The following ERC2 variants were observed in gnomAD, a reference collection of about 807,000 sequenced individuals.
ERC2 encodes the protein ELKS/RAB6-interacting/CAST family member 2, also known as ERC protein 2.
ERC2 carries 42 observed loss-of-function variants against 114.8 expected under a neutral mutation model. That is an observed-to-expected ratio of 0.37 (90% CI 0.29 to 0.47). ERC2 has a LOEUF of 0.47. Among genes scored for constraint, ERC2 ranks in the 20% least tolerant of loss-of-function variants. The probability of loss-of-function intolerance (pLI) is 0.99; values close to 1 mark genes in which losing one functional copy is unlikely to be tolerated. For missense variants in ERC2, 939 were observed against 1,150.7 expected (o/e 0.82, Z 2.66); for synonymous variants, 454 against 425.5 (o/e 1.07, Z -0.82).
Position 55,801,992 on chromosome 3 carries a change from G to A in ERC2, c.2565-67074C>T, listed in dbSNP as rs552589696. Among the ~76,000 whole-genome samples the A allele has an allele frequency of 4.3e-4, 65 of 152,334 alleles. 2 individuals carry two copies. The South Asian group carries it at 0.013, about 31-fold the overall frequency. ...TTTCCTGGGTGCTACTGATGCTGCT[G>A]TTTCAGGGACCACACTCTGAGAACT... On this transcript the variant is annotated intron_variant, in intron 14 of 17. Coordinates refer to ENST00000288221, the MANE Select transcript of ERC2 (RefSeq NM_015576.3).
chr3:56,091,511 G>T (rs2077788598), intron 6 of ERC2, among the ~76,000 whole-genome samples: 1 of 152,172 alleles, frequency 6.6e-6, no homozygotes, highest in Non-Finnish European at 1.5e-5. Context: ...CAACACAACA[G>T]AAGCTGGACT....
intron 14 of ERC2, among the ~76,000 whole-genome samples, chr3:55,875,316 G>T (rs372659917): frequency 2.6e-5 from 4 of 152,300 alleles, no homozygotes; most frequent in East Asian, 3.9e-4. Context: ...CAATTGAACT[G>T]TTATCATAAC....
At chr3:55,618,044 G>A (rs2059190720) in intron 17 of ERC2, among the ~76,000 whole-genome samples, 1 of 151,626 alleles carries the variant, frequency 6.6e-6, no homozygotes. Flanking sequence ...CTCGGTGGTG[G>A]GAGAAATGGA....
At chr3:55,674,243 G>T (rs892231311) in intron 17 of ERC2, among the ~76,000 whole-genome samples, 1 of 152,208 alleles carries the variant, frequency 6.6e-6, no homozygotes, top group African/African-American at 2.4e-5. Flanking sequence ...TCAGGTGGGA[G>T]TGGTGGAACC....
At chr3:55,528,682 TA>T (rs1026432875) in intron 17 of ERC2, among the ~76,000 whole-genome samples, 4 of 152,212 alleles carry the variant, frequency 2.6e-5, no homozygotes, top group Non-Finnish European at 5.9e-5. Context: ...GACACAAGGA[TA>T]AACAAGGTCT....
At chr3:56,324,329 A>G (rs185231052) in intron 2 of ERC2, among the ~76,000 whole-genome samples, 15 of 152,312 alleles carry the variant, frequency 9.8e-5, no homozygotes, top group African/African-American at 3.6e-4. Context: ...TCAGGGCCCA[A>G]CAGGCCACAA....
rs13061756 is a variant in ERC2, at chr3:56,169,819, A to T, written c.1149+3627T>A. Reference sequence around the variant, plus strand: ...GTCATTCATTTTCTTAAAAAAAAAAAAAAACAAATGGCTTTATGAATGACC... The same window carrying T: ...GTCATTCATTTTCTTAAAAAAAAAATAAAACAAATGGCTTTATGAATGACC... On this transcript the variant is annotated intron_variant, in intron 4 of 17. Transcript: ENST00000288221. Among the ~76,000 whole-genome samples, 4 of 137,346 alleles carry T rather than the reference A, an allele frequency of 2.9e-5. No individual in the cohort carries two copies. The South Asian group carries it at 9.0e-4, about 31-fold the overall frequency. The allele number at this position is 137,346 out of a possible 152,430, so 90.1% of individuals were successfully genotyped here.
intron 13 of ERC2, among the ~76,000 whole-genome samples, chr3:55,943,305 A>G (rs2066920432): frequency 6.6e-6 from 1 of 152,164 alleles, no homozygotes; most frequent in Non-Finnish European, 1.5e-5. Flanking sequence ...TAATGCCTTC[A>G]CCGTATTTAC....
chr3:55,583,441 T>C lies in ERC2; in HGVS notation c.*40-72165A>G, dbSNP rs9809971. Among the ~76,000 whole-genome samples, 367 of 81,440 alleles carry C rather than the reference T, an allele frequency of 4.5e-3. 7 individuals are homozygous for C. Among genetic ancestry groups the C allele is most frequent in the African/African-American group, 0.015 (301 of 19,994 alleles). 53.4% of individuals were successfully genotyped at this position (81,440 alleles called of 152,430 possible). On this transcript the variant is annotated intron_variant, in intron 17 of 17. Transcript: ENST00000288221. Reference sequence around the variant, plus strand: ...TTCCTTCCTTCCTTCCTTCCTTCCTTCCTCCCTCCCTCCTTCCCCTCTCTC... The same window carrying C: ...TTCCTTCCTTCCTTCCTTCCTTCCTCCCTCCCTCCCTCCTTCCCCTCTCTC...
chr3:56,081,588 T>C (rs2077234329), intron 6 of ERC2, among the ~76,000 whole-genome samples: 1 of 151,602 alleles, frequency 6.6e-6, no homozygotes. Flanking sequence ...AGACAAAGCA[T>C]ACAAAAAAAA....
chr3:56,340,535 A>AGT (rs2058045079), intron 2 of ERC2, among the ~76,000 whole-genome samples: 2 of 106,844 alleles, frequency 1.9e-5, no homozygotes, highest in African/African-American at 6.9e-5. Context: ...AGAGAGAGAG[A>AGT]GAGTGAATGT....
chr3:55,880,154 A>T (rs2063051781), intron 14 of ERC2, among the ~76,000 whole-genome samples: 1 of 152,184 alleles, frequency 6.6e-6, no homozygotes, highest in Admixed American at 6.5e-5. Context: ...GATAGCTGGA[A>T]CTGAAGCAAA....
At chr3:56,298,126 T>A (rs975043314) in intron 2 of ERC2, among the ~76,000 whole-genome samples, 1 of 152,178 alleles carries the variant, frequency 6.6e-6, no homozygotes, top group Non-Finnish European at 1.5e-5. Flanking sequence ...ACACAATAAA[T>A]TTTTTAACAT....
At chr3:56,338,007 C>T (rs2057927726) in intron 2 of ERC2, among the ~76,000 whole-genome samples, 1 of 152,166 alleles carries the variant, frequency 6.6e-6, no homozygotes, top group Non-Finnish European at 1.5e-5. Flanking sequence ...GGAAGCCAGA[C>T]ACAAATGAAT....
chr3:55,555,015 T>C (rs1035150331), intron 17 of ERC2, among the ~76,000 whole-genome samples: 2 of 151,898 alleles, frequency 1.3e-5, no homozygotes, highest in African/African-American at 4.8e-5. Flanking sequence ...ATTCTGAGGA[T>C]CCCATTTCCC....
intron 2 of ERC2, among the ~76,000 whole-genome samples, chr3:56,308,462 G>A (rs2056358750): frequency 1.3e-5 from 2 of 152,208 alleles, no homozygotes; most frequent in African/African-American, 4.8e-5. Flanking sequence ...ACTGGAGTCA[G>A]AATCTAATCC....
intron 2 of ERC2, among the ~76,000 whole-genome samples, chr3:56,391,734 G>A (rs1055660763): frequency 2.0e-5 from 3 of 152,084 alleles, no homozygotes; most frequent in South Asian, 4.2e-4. Context: ...TAAGGCAATC[G>A]TGCACAGGAA....
chr3:56,029,275 C>T (rs1233668243), intron 7 of ERC2, among the ~76,000 whole-genome samples: 1 of 150,222 alleles, frequency 6.7e-6, no homozygotes, highest in Non-Finnish European at 1.5e-5. Flanking sequence ...GGGTTTTTGG[C>T]TTTATTCTTT....
At position 55,854,054 on chromosome 3, in the gene ERC2, C is replaced by T. The variant is rs550069322; in HGVS notation, c.2564+34335G>A. 7.9e-5 allele frequency among the ~76,000 whole-genome samples: 12 copies of T among 152,300 alleles called. No individual in the cohort carries two copies. The South Asian group carries it at 2.3e-3, about 29-fold the overall frequency. On this transcript the variant is annotated intron_variant, in intron 14 of 17. Coordinates refer to ENST00000288221, the MANE Select transcript of ERC2 (RefSeq NM_015576.3). ...CTTTGGGAGACCGAGGAGGGCCGAT[C>T]ACCTGAGGTAAGGAGTTTGAAACCA...
Sources: allele counts gnomAD v4.1 joint callset (sites outside exome capture counted in the v4.1 genomes callset), GRCh38; gene constraint gnomAD v4.1.1; transcripts MANE v1.5; gene names NCBI Gene and HGNC (gene_info 2026-07-23, HGNC 2026-07-21).